Variants in FN1 observed in about 807,000 individuals in gnomAD.
FN1 encodes the protein fibronectin.
In FN1, 106 loss-of-function variants were observed where a neutral mutation model predicts 297.3. That is an observed-to-expected ratio of 0.36 (90% confidence interval 0.30 to 0.42). FN1 has a LOEUF of 0.42. FN1 is among the 10% of genes least tolerant of loss of function. The probability of loss-of-function intolerance (pLI) is 1.00; values close to 1 mark genes in which losing one functional copy is unlikely to be tolerated. For missense variants in FN1, 2,690 were observed against 3,124.9 expected (o/e 0.86, Z 3.32); for synonymous variants, 1,149 against 1,152.6 (o/e 1.00, Z 0.06).
At chr2:215,372,580 A>C in intron 39 of FN1, 1 of 609,300 alleles carries the variant, frequency 1.6e-6, no homozygotes, top group East Asian at 2.8e-5. Context: ...ATAGTTTAGA[A>C]AGAAAAAAGT....
At position 215,427,589 on chromosome 2, in the gene FN1, C is replaced by T. The variant is rs557187035; in HGVS notation, c.844+591G>A. 7.2e-5 allele frequency among the ~76,000 whole-genome samples: 11 copies of T among 152,182 alleles called. No individual in the cohort carries two copies. The South Asian group carries it at 1.9e-3, about 26-fold the overall frequency. ...AGTCCTCTCTGAATTTCTAAAATTTCGAATGCCAATACATGAAGGAAATAA... is the reference window on the plus strand; with the variant it reads ...AGTCCTCTCTGAATTTCTAAAATTTTGAATGCCAATACATGAAGGAAATAA... On this transcript the variant is annotated intron_variant, in intron 6 of 45. Transcript: ENST00000354785.
rs372163398 is a variant in FN1 at position 215,428,275 on chromosome 2, T to G, written c.749A>C (p.Asp250Ala). 17 of 1,614,006 alleles carry G rather than the reference T, an allele frequency of 1.1e-5. No homozygotes were observed. Among genetic ancestry groups the G allele is most frequent in the Admixed American group, 6.7e-5 (4 of 60,016 alleles). ...GCACTGGAGCAGGTTTCCTCGATTA[T>G]CCTTCTTGCTCCAGGTGTCTCCAAT... ...YRIGDTWSKK[D>A]NRGNLLQCIC... Residue 250 changes from aspartate to alanine, a missense_variant, in exon 6 of 46, where the codon GAT (aspartate) becomes GCT (alanine). Physicochemically the swap from Asp to Ala is moderately radical, Grantham distance 126 (BLOSUM62 -2). This residue lies in a region of FN1 where 876 missense variants were observed against 1,058.1 expected (regional missense o/e 0.83). Coordinates refer to ENST00000354785, the MANE Select transcript of FN1 (RefSeq NM_212482.4).
chr2:215,406,603 G>T, intron 18 of FN1, 93 bp from the exon 19 acceptor site: 3 of 1,342,202 alleles, frequency 2.2e-6, no homozygotes, highest in Non-Finnish European at 3.1e-6. Context: ...AGTTCATTGA[G>T]CCTCTCATTC....
chr2:215,385,589 A>G (rs1464979055), intron 28 of FN1, among the ~76,000 whole-genome samples: 4 of 150,608 alleles, frequency 2.7e-5, no homozygotes, highest in Non-Finnish European at 5.9e-5. Flanking sequence ...AAAAAAAGTA[A>G]TACAATGAAC....
chr2:215,362,347 T>A (rs181619033), intron 44 of FN1: 259 of 463,670 alleles, frequency 5.6e-4, no homozygotes, highest in Non-Finnish European at 8.7e-4. Context: ...ACCTTGCCCA[T>A]CTGCTGAGGC....
Position 215,372,345 on chromosome 2 carries a change from T to C in FN1, c.6278A>G (p.His2093Arg), listed in dbSNP as rs2056382842. Residue 2093 changes from histidine to arginine, a missense_variant, in exon 40 of 46, where the codon CAC (histidine) becomes CGC (arginine). Around this residue, in one of 3 missense-constraint regions of FN1, gnomAD observed 1,743 missense variants for 1,945.2 expected, o/e 0.90. Transcript: ENST00000354785. ...DELPQLVTLPHPNLHGPEILD... is the reference protein window; with the variant it reads ...DELPQLVTLPRPNLHGPEILD... ...GATCTCTGGTCCATGAAGATTGGGG[T>C]GTGGAAGGGTTACCAGTTGGGGAAG... The C allele has an allele frequency of 2.5e-6, 4 of 1,613,928 alleles. No individual in the cohort carries two copies. In the East Asian group the frequency reaches 6.7e-5, roughly 27 times the overall value.
At chr2:215,384,805 A>G in intron 29 of FN1, 55 bp downstream of exon 29, 1 of 1,224,048 alleles carries the variant, frequency 8.2e-7, no homozygotes, top group South Asian at 1.2e-5. Context: ...CTTTCAGGTT[A>G]TCCACAACAG....
chr2:215,412,907 T>C (rs966196227), intron 13 of FN1, among the ~76,000 whole-genome samples: 1 of 152,210 alleles, frequency 6.6e-6, no homozygotes, highest in East Asian at 1.9e-4. Context: ...TATTTTGTCT[T>C]GAAGTTGCAA....
chr2:215,393,925 G>A (rs1295540993), intron 24 of FN1, among the ~76,000 whole-genome samples: 4 of 151,996 alleles, frequency 2.6e-5, no homozygotes, highest in Non-Finnish European at 5.9e-5. Context: ...GGACAAACAA[G>A]CCTATCCTTA....
intron 38 of FN1, among the ~76,000 whole-genome samples, chr2:215,374,516 C>T (rs2056893583): frequency 6.6e-6 from 1 of 152,182 alleles, no homozygotes; most frequent in Non-Finnish European, 1.5e-5. Context: ...GAAGTTCCTC[C>T]TGTGTGCTTC....
At chr2:215,368,104 C>T (rs2106185913) in intron 41 of FN1, 77 bp from the exon 42 acceptor site, 14 of 1,425,044 alleles carry the variant, frequency 9.8e-6, no homozygotes, top group Non-Finnish European at 1.4e-5. Context: ...AATCGAATGA[C>T]TGTATACAAT....
At position 215,361,479 on chromosome 2, in the gene FN1, G is replaced by T; in HGVS notation, c.*76C>A. ...AGAAAGAAAGAAGAACTCTAAGCTG[G>T]GTCTGCTAACATCACTCCAGTTTAG... On this transcript the variant is annotated 3_prime_UTR_variant, in exon 46 of 46. Coordinates refer to ENST00000354785, the MANE Select transcript of FN1 (RefSeq NM_212482.4). 1 of 1,027,496 alleles carries T rather than the reference G, an allele frequency of 9.7e-7. No individual in the cohort carries two copies. Among genetic ancestry groups the T allele is most frequent in the Non-Finnish European group, 1.6e-6 (1 of 643,974 alleles). The allele number at this position is 1,027,496 out of a possible 1,614,324, so 63.6% of individuals were successfully genotyped here.
At chr2:215,398,201 A>T (rs150377360) in intron 21 of FN1, among the ~76,000 whole-genome samples, 2 of 152,366 alleles carry the variant, frequency 1.3e-5, no homozygotes, top group Non-Finnish European at 2.9e-5. Flanking sequence ...GCTAGAAGGA[A>T]TGTCTGAGCT....
Position 215,361,570 on chromosome 2 carries a change from TTC to T in FN1, c.7417_7418del (p.Glu2473ArgfsTer40). 6.2e-7 allele frequency: 1 copy of T among 1,608,738 alleles called. No individual in the cohort carries two copies. Among genetic ancestry groups the T allele is most frequent in the Non-Finnish European group, 8.5e-7 (1 of 1,175,096 alleles). ...GAAAGATGATTTACTCTCGGGAATC[TTC>T]TCTGTCAGCCTGTACATCTAAAGGC... ...FMPLDVQADREDSRE is the reference protein window; with the variant it reads ...FMPLDVQADRXDSRE On this transcript the variant is annotated frameshift_variant, in exon 46 of 46. Coordinates refer to ENST00000354785, the MANE Select transcript of FN1 (RefSeq NM_212482.4). LOFTEE classifies it high-confidence loss of function.
intron 42 of FN1, 179 bp from the exon 43 acceptor site, chr2:215,365,809 T>TTA (rs2054432810): frequency 8.7e-5 from 14 of 161,746 alleles, no homozygotes; most frequent in Non-Finnish European, 1.1e-4. Flanking sequence ...ACTTTTTATT[T>TTA]TTTTTTTTTT....
Position 215,383,379 on chromosome 2 carries a change from T to C in FN1, c.4999A>G (p.Thr1667Ala), listed in dbSNP as rs2058470575. Residue 1667 changes from threonine (T) to alanine (A), a missense_variant, in exon 31 of 46, where the codon ACC (threonine) becomes GCC (alanine). Thr to Ala is a moderately conservative substitution (Grantham distance 58). Around this residue, in one of 3 missense-constraint regions of FN1, gnomAD observed 1,743 missense variants for 1,945.2 expected, o/e 0.90. Coordinates refer to ENST00000354785, the MANE Select transcript of FN1 (RefSeq NM_212482.4). ...GGTCCTGGTCCATTTTTGGGAGTGGTGGTTACTCTGTAACCAGTAACAGGG... is the reference window on the plus strand; with the variant it reads ...GGTCCTGGTCCATTTTTGGGAGTGGCGGTTACTCTGTAACCAGTAACAGGG... ...SSPVTGYRVT[T>A]TPKNGPGPTK... 1 of 1,614,004 alleles carries C rather than the reference T, an allele frequency of 6.2e-7. No individual in the cohort carries two copies. The highest frequency in any genetic ancestry group is 1.3e-5 in the African/African-American group (1 of 74,924).
At position 215,401,198 on chromosome 2, in the gene FN1, A is replaced by AAAAGAAAGAAAGAAAGAAAG. The variant is rs1168414564; in HGVS notation, c.3254-1867_3254-1848dup. On this transcript the variant is annotated intron_variant, in intron 20 of 45. Coordinates refer to ENST00000354785, the MANE Select transcript of FN1 (RefSeq NM_212482.4). ...GAGAGAGAGTGAGAGAGAAAGAAAG[A>AAAAGAAAGAAAGAAAGAAAG]AAAGAAAGAAAGAAAGAAAGAAAGA... Among the ~76,000 whole-genome samples the AAAAGAAAGAAAGAAAGAAAG allele has an allele frequency of 1.2e-3, 107 of 86,818 alleles. 7 individuals are homozygous for AAAAGAAAGAAAGAAAGAAAG. Among genetic ancestry groups the AAAAGAAAGAAAGAAAGAAAG allele is most frequent in the Middle Eastern group, 0.012 (2 of 172 alleles). 57.0% of individuals were successfully genotyped at this position (86,818 alleles called of 152,430 possible). A position where few individuals can be genotyped will look rare whatever the true frequency, so the allele number is the denominator to read the frequency against.
chr2:215,428,710 G>A (rs1471188618), intron 5 of FN1, among the ~76,000 whole-genome samples: 1 of 152,014 alleles, frequency 6.6e-6, no homozygotes, highest in African/African-American at 2.4e-5. Context: ...CTTTCAATAG[G>A]GACCTTGCTT....
At chr2:215,362,285 GTC>G (rs2053620196) in intron 44 of FN1, 2 of 575,958 alleles carry the variant, frequency 3.5e-6, no homozygotes, top group Non-Finnish European at 6.3e-6. Flanking sequence ...ACCTACATCT[GTC>G]TCTCTATGTT....
Sources: gnomAD v4.1 joint callset for allele counts (sites outside exome capture counted in the v4.1 genomes callset) on GRCh38, gnomAD v4.1.1 for gene constraint, gnomAD v4.1.1 regional missense constraint, MANE v1.5 for transcripts, NCBI Gene and HGNC (gene_info 2026-07-23, HGNC 2026-07-21) for gene names.